AMZ1: variants seen among roughly 807,000 people sequenced by gnomAD.
AMZ1 encodes the protein archaemetzincin-1.
AMZ1 carries 39 observed loss-of-function variants against 29.9 expected under a neutral mutation model. The observed-to-expected ratio is 1.30, with a 90% CI of 1.01 to 1.70. The LOEUF (loss-of-function observed/expected upper bound fraction) is 1.70, where lower values mean the gene tolerates loss of function less well. AMZ1 is among the 40% of genes most tolerant of loss of function. The pLI is 0.00. For missense variants in AMZ1, 1,041 were observed against 680.6 expected (o/e 1.53, Z -5.89); for synonymous variants, 458 against 304.0 (o/e 1.51, Z -5.27).
intron 4 of AMZ1, among the ~76,000 whole-genome samples, chr7:2,758,264 A>G (rs919745472): frequency 2.0e-5 from 3 of 152,336 alleles, no homozygotes; most frequent in Non-Finnish European, 1.5e-5. Context: ...AGTGGCTCAC[A>G]CTGTAATCCT....
chr7:2,688,467 C>T (rs992486465), intron 1 of AMZ1, among the ~76,000 whole-genome samples, 171 bp downstream of exon 1: 13 of 152,084 alleles, frequency 8.5e-5, no homozygotes, highest in Admixed American at 7.9e-4. Context: ...ACGCGAAGGG[C>T]GCACTTGGCG....
At chr7:2,739,314 C>G (rs930373789) in intron 4 of AMZ1, among the ~76,000 whole-genome samples, 3 of 152,096 alleles carry the variant, frequency 2.0e-5, no homozygotes, top group African/African-American at 7.3e-5. Context: ...CCTGACAACA[C>G]GAATCTGCTT....
chr7:2,699,560 G>A (rs531862476), intron 1 of AMZ1, among the ~76,000 whole-genome samples: 139 of 151,326 alleles, frequency 9.2e-4, no homozygotes, highest in Middle Eastern at 3.4e-3. Context: ...CTTGCTGGGC[G>A]CACAGGGACC....
At chr7:2,751,706 A>C (rs183099065) in intron 4 of AMZ1, among the ~76,000 whole-genome samples, 27 of 152,382 alleles carry the variant, frequency 1.8e-4, no homozygotes, top group Admixed American at 3.3e-4. Context: ...TCAAACATTG[A>C]CAGGTATTAA....
At chr7:2,680,839 G>T (rs558147802) in intron 1 of AMZ1, among the ~76,000 whole-genome samples, 2 of 152,360 alleles carry the variant, frequency 1.3e-5, no homozygotes, top group South Asian at 4.1e-4. Flanking sequence ...GACCCTGCTG[G>T]TCAAGCCCGG....
At chr7:2,726,317 C>T (rs914754858) in intron 4 of AMZ1, among the ~76,000 whole-genome samples, 2 of 152,230 alleles carry the variant, frequency 1.3e-5, no homozygotes, top group African/African-American at 2.4e-5. Flanking sequence ...ATACAATCCT[C>T]ACCACATTAA....
chr7:2,756,427 A>G (rs1791298879), intron 4 of AMZ1, among the ~76,000 whole-genome samples: 1 of 152,160 alleles, frequency 6.6e-6, no homozygotes, highest in South Asian at 2.1e-4. Flanking sequence ...AGCCTGGGCA[A>G]TAGAGTGAGA....
At chr7:2,751,297 G>A (rs371437123) in intron 4 of AMZ1, among the ~76,000 whole-genome samples, 1 of 151,980 alleles carries the variant, frequency 6.6e-6, no homozygotes, top group East Asian at 1.9e-4. Context: ...GAGCTGAGGT[G>A]GGAGGATCAC....
chr7:2,725,792 G>A (rs117627589), intron 4 of AMZ1, among the ~76,000 whole-genome samples: 9,944 of 152,318 alleles, frequency 0.065, 424 homozygotes, highest in Non-Finnish European at 0.085. Flanking sequence ...TCTGTTCCAG[G>A]TCCAACACAA....
At chr7:2,685,855 G>GAAAAAAAAAAAAAAAAAAAAAAAA (rs10710624), upstream of AMZ1, among the ~76,000 whole-genome samples, 1 of 86,762 alleles carries the variant, frequency 1.2e-5, no homozygotes, top group Non-Finnish European at 2.4e-5. Context: ...TCCGTCTCAA[G>GAAAAAAAAAAAAAAAAAAAAAAAA]AAAAAAAAAA....
At position 2,714,476 on chromosome 7, in the gene AMZ1, A is replaced by G. The variant is rs1228416585; in HGVS notation, c.*1598A>G. On this transcript the variant is annotated 3_prime_UTR_variant, in exon 7 of 7. Coordinates refer to ENST00000683327, the MANE Select transcript of AMZ1 (RefSeq NM_001384743.1). Reference sequence around the variant, plus strand: ...GTCCCGTTCTCTTTTGCGTAGCTTCAAAAAGGCGTAACAGTGACCTGGGAG... The same window carrying G: ...GTCCCGTTCTCTTTTGCGTAGCTTCGAAAAGGCGTAACAGTGACCTGGGAG... 1 of 152,308 alleles carries G rather than the reference A, an allele frequency of 6.6e-6. No homozygotes were observed. The highest frequency in any genetic ancestry group is 6.5e-5 in the Admixed American group (1 of 15,278). The allele number at this position is 152,308 out of a possible 1,614,324, so 9.4% of individuals were successfully genotyped here. A position where few individuals can be genotyped will look rare whatever the true frequency, so the allele number is the denominator to read the frequency against.
At chr7:2,748,498 C>CA in intron 4 of AMZ1, among the ~76,000 whole-genome samples, 1 of 152,182 alleles carries the variant, frequency 6.6e-6, no homozygotes, top group East Asian at 1.9e-4. Context: ...ACACCTTACA[C>CA]AAAAATTAAT....
At chr7:2,698,544 CAA>C (rs1179416406) in intron 1 of AMZ1, among the ~76,000 whole-genome samples, 1 of 151,342 alleles carries the variant, frequency 6.6e-6, no homozygotes, top group Non-Finnish European at 1.5e-5. Context: ...TCTAAAAAAA[CAA>C]AAAGAAGTTG....
At chr7:2,693,797 C>T (rs62439533) in intron 1 of AMZ1, among the ~76,000 whole-genome samples, 7 of 152,166 alleles carry the variant, frequency 4.6e-5, no homozygotes, top group Non-Finnish European at 1.0e-4. Context: ...CCTCCTGATC[C>T]GCTCGCCTCG....
chr7:2,746,734 G>C (rs1362074568), intron 4 of AMZ1, among the ~76,000 whole-genome samples: 1 of 152,064 alleles, frequency 6.6e-6, no homozygotes, highest in Non-Finnish European at 1.5e-5. Flanking sequence ...CCAGGAGCTG[G>C]TTTTTTGAAA....
At chr7:2,749,163 A>G (rs11536437) in intron 4 of AMZ1, among the ~76,000 whole-genome samples, 27,450 of 152,038 alleles carry the variant, frequency 0.18, 2,479 homozygotes, top group Non-Finnish European at 0.2. Flanking sequence ...ATTACTGGGT[A>G]TATACCCAAA....
chr7:2,695,626 C>T (rs1174640435), intron 1 of AMZ1, among the ~76,000 whole-genome samples: 5 of 151,824 alleles, frequency 3.3e-5, no homozygotes, highest in African/African-American at 1.2e-4. Flanking sequence ...GGCAGGAGGA[C>T]TGCTTGAGCC....
downstream of AMZ1, among the ~76,000 whole-genome samples, chr7:2,722,242 T>G (rs1172511660): frequency 6.6e-6 from 1 of 151,918 alleles, no homozygotes; most frequent in African/African-American, 2.4e-5. Flanking sequence ...TGTGAGCTGG[T>G]TCAAATGGAG....
At chr7:2,726,517 G>A (rs969794552) in intron 4 of AMZ1, among the ~76,000 whole-genome samples, 1 of 152,218 alleles carries the variant, frequency 6.6e-6, no homozygotes, top group Non-Finnish European at 1.5e-5. Context: ...AGGGCAGAGA[G>A]CCACTACATC....
Sources: allele counts gnomAD v4.1 joint callset (sites outside exome capture counted in the v4.1 genomes callset), GRCh38; gene constraint gnomAD v4.1.1; transcripts MANE v1.5; gene names NCBI Gene and HGNC (gene_info 2026-07-23, HGNC 2026-07-21).